Variants in L3MBTL4 observed in about 807,000 individuals in gnomAD.
L3MBTL4 encodes the protein lethal(3)malignant brain tumor-like protein 4.
Under a neutral mutation model 84.5 loss-of-function variants are expected in L3MBTL4, and 70 were observed. The ratio of observed to expected loss-of-function variants is 0.83; its 90% CI spans 0.68 to 1.01. L3MBTL4 has a LOEUF of 1.01. Among genes scored for constraint, L3MBTL4 ranks in the 50% least tolerant of loss-of-function variants. The probability of loss-of-function intolerance (pLI) is 0.00; values close to 1 mark genes in which losing one functional copy is unlikely to be tolerated. For synonymous variants in L3MBTL4, 274 were observed against 259.8 expected (o/e 1.05, Z -0.52); for missense variants, 715 against 754.8 (o/e 0.95, Z 0.62).
chr18:6,244,508 T>C lies in L3MBTL4; in HGVS notation c.300A>G (p.Val100=), dbSNP rs111688904. 739 of 1,613,158 alleles carry C rather than the reference T, an allele frequency of 4.6e-4. 3 individuals are homozygous for C. In the African/African-American group the frequency reaches 7.3e-3, roughly 16 times the overall value. The change falls in exon 6 of 19, where the codon GTA becomes GTG. Residue 100 remains valine, a synonymous_variant. Transcript: ENST00000317931. ...CCTCCGCTACAGAAAGCACACAGAA[T>C]ACCGATGGATGTCGGGGATCAATGC... The part of the protein sequence containing the change: ...LEGIDPRHPS[V]FCVLSVAEVC...
At chr18:6,264,191 A>G (rs1283971945) in intron 4 of L3MBTL4, among the ~76,000 whole-genome samples, 153 bp from the exon 5 acceptor site, 2 of 151,476 alleles carry the variant, frequency 1.3e-5, no homozygotes, top group Non-Finnish European at 3.0e-5. Context: ...CTCAATTCAT[A>G]TGAACATTTA....
chr18:6,163,272 G>GGT (rs71163264), intron 13 of L3MBTL4, among the ~76,000 whole-genome samples: 36 of 94,884 alleles, frequency 3.8e-4, no homozygotes, highest in Admixed American at 9.8e-4. Flanking sequence ...GGGGGGGGTG[G>GGT]GTGTGTGTGT....
intron 12 of L3MBTL4, among the ~76,000 whole-genome samples, chr18:6,204,486 G>A (rs933676438): frequency 9.9e-5 from 15 of 151,828 alleles, no homozygotes; most frequent in African/African-American, 3.4e-4. Context: ...CCTGACAAAG[G>A]GGCTTTCCAT....
At chr18:6,168,415 T>G (rs981647475) in intron 13 of L3MBTL4, among the ~76,000 whole-genome samples, 1 of 151,624 alleles carries the variant, frequency 6.6e-6, no homozygotes, top group Non-Finnish European at 1.5e-5. Flanking sequence ...TCACACTACC[T>G]GACTTCAAAC....
At chr18:6,261,986 A>G (rs544963634) in intron 5 of L3MBTL4, among the ~76,000 whole-genome samples, 14 of 152,220 alleles carry the variant, frequency 9.2e-5, no homozygotes, top group Middle Eastern at 3.4e-3. Context: ...GGTGGGGTGT[A>G]AGAGAGGACC....
rs952366503 is a variant in L3MBTL4, at chr18:6,213,357, T to C, written c.871-98A>G. ...AAATACTACTGTTTTAGTTTTAATA[T>C]GCAGATCTTCAATACAACTGGAATT... On this transcript the variant is annotated intron_variant, in intron 11 of 18. Transcript: ENST00000317931. 4 of 630,308 alleles carry C rather than the reference T, an allele frequency of 6.3e-6. No homozygotes were observed. The African/African-American group carries it at 7.6e-5, about 12-fold the overall frequency. The allele number at this position is 630,308 out of a possible 1,614,324, so 39.0% of individuals were successfully genotyped here.
intron 16 of L3MBTL4, among the ~76,000 whole-genome samples, chr18:6,072,798 A>G (rs1467549192): frequency 7.6e-5 from 11 of 143,830 alleles, no homozygotes; most frequent in Middle Eastern, 3.6e-3. Flanking sequence ...GGAGCTTGCA[A>G]TGAGCCCAGA....
intron 5 of L3MBTL4, among the ~76,000 whole-genome samples, chr18:6,254,412 CTTTTTTTTTTTT>C (rs763440464): frequency 3.5e-5 from 4 of 112,726 alleles, no homozygotes; most frequent in African/African-American, 1.5e-4. Context: ...AAAGTGACAC[CTTTTTTTTTTTT>C]TTTTTTTTTT....
intron 1 of L3MBTL4, among the ~76,000 whole-genome samples, chr18:6,322,815 C>A (rs2147077218): frequency 6.6e-6 from 1 of 152,136 alleles, no homozygotes; most frequent in Middle Eastern, 3.4e-3. Flanking sequence ...AGAATAAGAT[C>A]TAGTATTTGA....
chr18:6,325,451 C>A (rs1489089367), intron 1 of L3MBTL4, among the ~76,000 whole-genome samples: 1 of 152,170 alleles, frequency 6.6e-6, no homozygotes, highest in Non-Finnish European at 1.5e-5. Context: ...TCCCCAGTAA[C>A]TGAGATTACA....
intron 17 of L3MBTL4, among the ~76,000 whole-genome samples, chr18:5,965,407 A>G (rs888364881): frequency 6.6e-6 from 1 of 152,140 alleles, no homozygotes; most frequent in Non-Finnish European, 1.5e-5. Context: ...ACGCTGTTTT[A>G]AGTCTTCCCG....
intron 1 of L3MBTL4, among the ~76,000 whole-genome samples, chr18:6,393,889 C>T (rs1283006622): frequency 6.6e-6 from 1 of 152,158 alleles, no homozygotes; most frequent in African/African-American, 2.4e-5. Context: ...ATATGGAGCC[C>T]TCATGTGGCT....
At chr18:6,264,480 T>C (rs964571844) in intron 4 of L3MBTL4, among the ~76,000 whole-genome samples, 1 of 152,180 alleles carries the variant, frequency 6.6e-6, no homozygotes, top group Non-Finnish European at 1.5e-5. Flanking sequence ...GCAGTATTTG[T>C]CAAAGCTTAA....
At chr18:6,019,951 G>A (rs139519613) in intron 16 of L3MBTL4, among the ~76,000 whole-genome samples, 232 of 152,214 alleles carry the variant, frequency 1.5e-3, no homozygotes, top group African/African-American at 5.0e-3. Context: ...CCATCTCTGC[G>A]TTCCCAGGGT....
At chr18:6,334,434 C>T (rs969407201) in intron 1 of L3MBTL4, among the ~76,000 whole-genome samples, 2 of 151,982 alleles carry the variant, frequency 1.3e-5, no homozygotes, top group Admixed American at 1.3e-4. Flanking sequence ...TACTCAGACT[C>T]GGAAGGTGAC....
chr18:6,215,910 A>G, intron 10 of L3MBTL4, 75 bp from the exon 11 acceptor site: 1 of 752,934 alleles, frequency 1.3e-6, no homozygotes, highest in Non-Finnish European at 2.1e-6. Context: ...AAAACGTTGG[A>G]TGATATGACA....
chr18:6,213,664 G>A (rs1471725633), intron 11 of L3MBTL4, among the ~76,000 whole-genome samples: 4 of 148,792 alleles, frequency 2.7e-5, no homozygotes, highest in Non-Finnish European at 4.6e-5. Context: ...TGCCCACCTC[G>A]GCATCCCAAA....
At chr18:6,314,684 T>C (rs1451627963) in intron 1 of L3MBTL4, among the ~76,000 whole-genome samples, 1 of 152,234 alleles carries the variant, frequency 6.6e-6, no homozygotes, top group Non-Finnish European at 1.5e-5. Context: ...TGTTGCCAAA[T>C]ACTAAGGAGA....
At chr18:6,230,073 CT>C (rs754359545) in intron 10 of L3MBTL4, among the ~76,000 whole-genome samples, 4 of 152,122 alleles carry the variant, frequency 2.6e-5, no homozygotes, top group Admixed American at 2.6e-4. Context: ...GGTAGGTTGA[CT>C]TTTTTTAAAC....
Sources: gnomAD v4.1 joint callset for allele counts (sites outside exome capture counted in the v4.1 genomes callset) on GRCh38, gnomAD v4.1.1 for gene constraint, MANE v1.5 for transcripts, NCBI Gene and HGNC (gene_info 2026-07-23, HGNC 2026-07-21) for gene names.